CADPS: variants seen among roughly 807,000 people sequenced by gnomAD.
The protein encoded by CADPS is calcium-dependent secretion activator 1.
CADPS carries 57 observed loss-of-function variants against 167.3 expected under a neutral mutation model. The observed-to-expected ratio is 0.34, with a 90% CI of 0.28 to 0.42. The LOEUF (loss-of-function observed/expected upper bound fraction) is 0.42. Among genes scored for constraint, CADPS ranks in the 20% least tolerant of loss-of-function variants. CADPS has a pLI of 1.00. For synonymous variants in CADPS, 676 were observed against 635.3 expected, an observed-to-expected ratio of 1.06 and a Z score of -0.96; for missense variants, 1,414 against 1,738.1, an observed-to-expected ratio of 0.81 and a Z score of 3.32.
intron 13 of CADPS, among the ~76,000 whole-genome samples, chr3:62,522,563 C>A (rs2070949980): frequency 6.6e-6 from 1 of 152,144 alleles, no homozygotes. Flanking sequence ...GTCTTTGAGG[C>A]CCCCAGCATC....
chr3:62,786,342 G>A (rs1165082498), intron 1 of CADPS, among the ~76,000 whole-genome samples: 1 of 152,006 alleles, frequency 6.6e-6, no homozygotes, highest in Admixed American at 6.6e-5. Context: ...GTGATGTGAG[G>A]ATGTACCCAT....
chr3:62,687,622 A>G (rs937523084), intron 3 of CADPS, among the ~76,000 whole-genome samples: 2 of 151,904 alleles, frequency 1.3e-5, no homozygotes, highest in Non-Finnish European at 2.9e-5. Flanking sequence ...GGTGATTATC[A>G]TGAGTACTTT....
At chr3:62,503,570 T>C (rs540395333) in intron 17 of CADPS, among the ~76,000 whole-genome samples, 2 of 152,230 alleles carry the variant, frequency 1.3e-5, no homozygotes, top group Non-Finnish European at 2.9e-5. Context: ...TTGTGGAATT[T>C]CAACATGTCA....
intron 1 of CADPS, chr3:62,779,334 T>C (rs1284911537): frequency 2.5e-6 from 1 of 406,094 alleles, no homozygotes; most frequent in Admixed American, 3.1e-5. Flanking sequence ...TCTTTTTTTC[T>C]GGAACTTTAG....
At chr3:62,798,313 G>A (rs554160589) in intron 1 of CADPS, among the ~76,000 whole-genome samples, 2 of 152,158 alleles carry the variant, frequency 1.3e-5, no homozygotes, top group South Asian at 4.1e-4. Flanking sequence ...AGAAGAACGT[G>A]GAAGGACTTG....
At chr3:62,807,650 T>C (rs1018578725) in intron 1 of CADPS, among the ~76,000 whole-genome samples, 7 of 152,148 alleles carry the variant, frequency 4.6e-5, no homozygotes, top group Admixed American at 6.5e-5. Context: ...TTCATAGGGG[T>C]GAGCTCATTT....
intron 13 of CADPS, among the ~76,000 whole-genome samples, chr3:62,531,530 G>GA (rs11455566): frequency 0.031 from 4,688 of 152,254 alleles, 95 homozygotes; most frequent in Middle Eastern, 0.099. Flanking sequence ...GAAAAGCACA[G>GA]AAAAAATCCT....
intron 3 of CADPS, among the ~76,000 whole-genome samples, chr3:62,691,368 C>A (rs2079081455): frequency 6.6e-6 from 1 of 151,896 alleles, no homozygotes; most frequent in Admixed American, 6.6e-5. Context: ...TCAACTGTTA[C>A]AAATGCATCA....
At chr3:62,697,785 A>G (rs1019331342) in intron 3 of CADPS, among the ~76,000 whole-genome samples, 1 of 152,068 alleles carries the variant, frequency 6.6e-6, no homozygotes, top group Non-Finnish European at 1.5e-5. Flanking sequence ...TAATTTTTAA[A>G]TTATGGCCAT....
intron 1 of CADPS, among the ~76,000 whole-genome samples, chr3:62,845,463 A>G (rs913447717): frequency 3.9e-5 from 6 of 152,192 alleles, no homozygotes; most frequent in Non-Finnish European, 8.8e-5. Flanking sequence ...CATTTTGAAG[A>G]TGAAATAAGA....
intron 1 of CADPS, among the ~76,000 whole-genome samples, chr3:62,787,424 A>G (rs768175763): frequency 2.0e-5 from 3 of 152,218 alleles, no homozygotes; most frequent in Non-Finnish European, 4.4e-5. Context: ...ATATTATTTT[A>G]CTTTATTTTC....
intron 6 of CADPS, among the ~76,000 whole-genome samples, chr3:62,633,777 C>T (rs2149760163): frequency 6.6e-6 from 1 of 152,202 alleles, no homozygotes; most frequent in South Asian, 2.1e-4. Flanking sequence ...TGGCTGAATG[C>T]TAAATGGGCT....
chr3:62,557,983 G>C (rs1370649662), intron 9 of CADPS, among the ~76,000 whole-genome samples: 1 of 152,190 alleles, frequency 6.6e-6, no homozygotes, highest in African/African-American at 2.4e-5. Flanking sequence ...GGGCCTTTTG[G>C]TCAGAAGTTA....
At chr3:62,590,928 C>T (rs982672671) in intron 7 of CADPS, among the ~76,000 whole-genome samples, 3 of 152,142 alleles carry the variant, frequency 2.0e-5, no homozygotes, top group Non-Finnish European at 1.5e-5. Context: ...GATCTTGGCT[C>T]ATTGCAACTT....
chr3:62,689,304 A>G (rs1197238415), intron 3 of CADPS, among the ~76,000 whole-genome samples: 3 of 152,060 alleles, frequency 2.0e-5, no homozygotes, highest in Admixed American at 2.0e-4. Context: ...CATTTTCCTT[A>G]TAAGAGGAAA....
At chr3:62,732,373 A>G (rs368537872) in intron 3 of CADPS, among the ~76,000 whole-genome samples, 1 of 152,162 alleles carries the variant, frequency 6.6e-6, no homozygotes, top group East Asian at 1.9e-4. Context: ...GCCCACAAGG[A>G]ACTGAATCCT....
intron 1 of CADPS, among the ~76,000 whole-genome samples, chr3:62,812,478 TA>T (rs2094433106): frequency 6.6e-6 from 1 of 152,076 alleles, no homozygotes; most frequent in African/African-American, 2.4e-5. Flanking sequence ...AATGAGTTAA[TA>T]AAAAAGCCAT....
At chr3:62,546,918 A>C in intron 11 of CADPS, among the ~76,000 whole-genome samples, 1 of 152,170 alleles carries the variant, frequency 6.6e-6, no homozygotes, top group Non-Finnish European at 1.5e-5. Context: ...GTATTCCCTC[A>C]TATCTAGACA....
chr3:62,520,589 A>T (rs1178303784), intron 13 of CADPS, among the ~76,000 whole-genome samples: 1 of 151,996 alleles, frequency 6.6e-6, no homozygotes, highest in Non-Finnish European at 1.5e-5. Context: ...TATTTTAAAT[A>T]AAACAAACTA....
Sources: gnomAD v4.1 joint callset for allele counts (sites outside exome capture counted in the v4.1 genomes callset) on GRCh38, gnomAD v4.1.1 for gene constraint, MANE v1.5 for transcripts, NCBI Gene and HGNC (gene_info 2026-07-23, HGNC 2026-07-21) for gene names.